CAMTA1: variants seen among roughly 807,000 people sequenced by gnomAD.
CAMTA1 encodes the protein calmodulin-binding transcription activator 1.
CAMTA1 carries 27 observed loss-of-function variants against 170.9 expected under a neutral mutation model. The observed-to-expected ratio is 0.16, with a 90% confidence interval of 0.12 to 0.22. The LOEUF is 0.22. Ranked by LOEUF, CAMTA1 falls within the 10% of genes least tolerant of loss-of-function variation. CAMTA1 has a pLI of 1.00. For missense variants in CAMTA1, 1,619 were observed against 2,217.2 expected (o/e 0.73, Z 5.42); for synonymous variants, 833 against 891.5 (o/e 0.93, Z 1.17).
At chr1:7,698,302 A>T (rs2096400112) in intron 11 of CAMTA1, 1 of 152,218 alleles carries the variant, frequency 6.6e-6, no homozygotes, top group African/African-American at 2.4e-5. Context: ...ACACAAAAAA[A>T]TTTCATAATG....
At chr1:7,176,088 C>T (rs1650755442) in intron 4 of CAMTA1, among the ~76,000 whole-genome samples, 1 of 152,180 alleles carries the variant, frequency 6.6e-6, no homozygotes, top group Non-Finnish European at 1.5e-5. Flanking sequence ...ACCTCAGATT[C>T]CTCCTCTTCG....
In CAMTA1 at chr1:6,827,102, G is replaced by A. The variant is rs976956598; in HGVS notation, c.234+1892G>A. ...TCCACATACTCCCTTGGAGGCCAGAGGCTGCCATAATTCAGATTACAGAGA... is the reference window on the plus strand; with the variant it reads ...TCCACATACTCCCTTGGAGGCCAGAAGCTGCCATAATTCAGATTACAGAGA... On this transcript the variant is annotated intron_variant, in intron 3 of 22. Coordinates refer to ENST00000303635, the MANE Select transcript of CAMTA1 (RefSeq NM_015215.4). Among the ~76,000 whole-genome samples the A allele has an allele frequency of 3.3e-5, 5 of 152,294 alleles. No individual in the cohort carries two copies. In the South Asian group the frequency reaches 8.3e-4, roughly 25 times the overall value.
At chr1:6,929,791 C>T (rs1206767925) in intron 3 of CAMTA1, among the ~76,000 whole-genome samples, 2 of 152,222 alleles carry the variant, frequency 1.3e-5, no homozygotes, top group Non-Finnish European at 2.9e-5. Context: ...GCCACTGTGC[C>T]CGGCCCTTAA....
intron 6 of CAMTA1, among the ~76,000 whole-genome samples, chr1:7,511,524 TCTGTGG>T (rs1226579983): frequency 6.6e-6 from 1 of 152,124 alleles, no homozygotes; most frequent in Non-Finnish European, 1.5e-5. Context: ...CTGAGATATG[TCTGTGG>T]CTGTCTCTCC....
intron 6 of CAMTA1, among the ~76,000 whole-genome samples, chr1:7,483,817 CA>C (rs2093575828): frequency 6.6e-6 from 1 of 152,134 alleles, no homozygotes; most frequent in Non-Finnish European, 1.5e-5. Flanking sequence ...ACGCAGCCCA[CA>C]GGCCGTGGCA....
At chr1:7,104,139 GTACACACAA>G (rs1643291704) in intron 4 of CAMTA1, among the ~76,000 whole-genome samples, 1 of 78,534 alleles carries the variant, frequency 1.3e-5, no homozygotes, top group Non-Finnish European at 2.6e-5. Context: ...AACTACACAC[GTACACACAA>G]CACACATATG....
intron 3 of CAMTA1, among the ~76,000 whole-genome samples, chr1:6,962,751 T>TGGCC (rs1572062576): frequency 6.6e-6 from 1 of 150,610 alleles, no homozygotes; most frequent in African/African-American, 2.4e-5. Context: ...CCATCCCTTT[T>TGGCC]CGTCCTTGCC....
intron 6 of CAMTA1, among the ~76,000 whole-genome samples, chr1:7,514,592 A>G (rs2094253505): frequency 6.6e-6 from 1 of 152,220 alleles, no homozygotes; most frequent in Non-Finnish European, 1.5e-5. Flanking sequence ...TTTTGCATAG[A>G]AACAACTCAT....
In CAMTA1 at chr1:7,674,728, C is replaced by T. The variant is rs1291268068; in HGVS notation, c.2780-2871C>T. Among the ~76,000 whole-genome samples the T allele has an allele frequency of 6.6e-6, 1 of 152,082 alleles. No homozygotes were observed. The highest frequency in any genetic ancestry group is 2.4e-5 in the African/African-American group (1 of 41,408). ...GGTGGAGGTTGCAGTGAGCCAAGAT[C>T]ACGCCACTGCACTCCAGCCTGGAAG... On this transcript the variant is annotated intron_variant, in intron 10 of 22. Transcript: ENST00000303635. This position sits in a 1 kb window ranked among gnomAD's most constrained non-coding sequence, Gnocchi z 4.1.
rs910224984 is a variant in CAMTA1, at chr1:7,325,581, T to G, written c.438+75955T>G. The stretch of plus-strand genomic sequence containing the variant: ...AGCCAGGTGGATGGGGAGAAAGGGG[T>G]CTTGGACTTGGCACAGATTTCCTAA... On this transcript the variant is annotated intron_variant, in intron 5 of 22. Transcript: ENST00000303635. This position sits in a 1 kb window ranked among gnomAD's most constrained non-coding sequence, Gnocchi z 5.0. Among the ~76,000 whole-genome samples the G allele has an allele frequency of 2.0e-5, 3 of 152,030 alleles. No individual in the cohort carries two copies. Among genetic ancestry groups the G allele is most frequent in the African/African-American group, 7.3e-5 (3 of 41,378 alleles).
chr1:7,258,783 C>A (rs1322528108), intron 5 of CAMTA1, among the ~76,000 whole-genome samples: 1 of 152,108 alleles, frequency 6.6e-6, no homozygotes, highest in African/African-American at 2.4e-5. Flanking sequence ...CCGTCATTGG[C>A]GGCTGTGGCT....
chr1:7,425,846 G>A (rs2091850568), intron 5 of CAMTA1, among the ~76,000 whole-genome samples: 2 of 152,186 alleles, frequency 1.3e-5, no homozygotes, highest in Admixed American at 1.3e-4. Context: ...GTCTCACTCT[G>A]TAGCCAGAGG....
At chr1:7,116,395 G>A (rs1644329022) in intron 4 of CAMTA1, among the ~76,000 whole-genome samples, 1 of 152,132 alleles carries the variant, frequency 6.6e-6, no homozygotes, top group Non-Finnish European at 1.5e-5. Flanking sequence ...CCTGCTGTTT[G>A]TGGGTGAGTT....
At chr1:7,483,830 G>T (rs763179781) in intron 6 of CAMTA1, among the ~76,000 whole-genome samples, 1 of 152,130 alleles carries the variant, frequency 6.6e-6, no homozygotes, top group Non-Finnish European at 1.5e-5. Flanking sequence ...GCCGTGGCAG[G>T]ACCCCAGGGG....
intron 3 of CAMTA1, among the ~76,000 whole-genome samples, chr1:7,056,189 T>A (rs1707293120): frequency 6.6e-6 from 1 of 152,182 alleles, no homozygotes; most frequent in Non-Finnish European, 1.5e-5. Context: ...TCAGGTGATG[T>A]GGGTTACACA....
At chr1:7,752,077 A>C (rs918584887) in intron 20 of CAMTA1, among the ~76,000 whole-genome samples, 1 of 152,258 alleles carries the variant, frequency 6.6e-6, no homozygotes, top group African/African-American at 2.4e-5. Flanking sequence ...AAAATAGCCC[A>C]AAGAGTGTAT....
chr1:7,230,431 G>A (rs1328847616), intron 4 of CAMTA1, among the ~76,000 whole-genome samples: 2 of 69,268 alleles, frequency 2.9e-5, no homozygotes, highest in African/African-American at 2.1e-4. Context: ...GCTCTGGGCT[G>A]ACCCCCCCCC....
At position 7,014,591 on chromosome 1, in the gene CAMTA1, A is replaced by G. The variant is rs988532802; in HGVS notation, c.235-76713A>G. Among the ~76,000 whole-genome samples the G allele has an allele frequency of 6.6e-6, 1 of 152,182 alleles. No homozygotes were observed. Among genetic ancestry groups the G allele is most frequent in the African/African-American group, 2.4e-5 (1 of 41,458 alleles). On this transcript the variant is annotated intron_variant, in intron 3 of 22. Coordinates refer to ENST00000303635, the MANE Select transcript of CAMTA1 (RefSeq NM_015215.4). This position sits in a 1 kb window ranked among gnomAD's most constrained non-coding sequence, Gnocchi z 4.2. ...GGAGCAATGGCCGAGCTTCTGTTTT[A>G]AGGCAGCAAAACAGCGTGCGAGCTT...
At chr1:7,451,961 G>A (rs2092835468) in intron 5 of CAMTA1, among the ~76,000 whole-genome samples, 1 of 152,338 alleles carries the variant, frequency 6.6e-6, no homozygotes, top group South Asian at 2.1e-4. Flanking sequence ...GGGCCCCTTA[G>A]AAGCTAATAT....
Sources: gnomAD v4.1 joint callset for allele counts (sites outside exome capture counted in the v4.1 genomes callset) on GRCh38, gnomAD v4.1.1 for gene constraint, Gnocchi (gnomAD v3.1) non-coding constraint, MANE v1.5 for transcripts, NCBI Gene and HGNC (gene_info 2026-07-23, HGNC 2026-07-21) for gene names.